The following EYS variants were observed in gnomAD, a reference collection of about 807,000 sequenced individuals.
EYS encodes the protein protein eyes shut homolog.
In EYS, 250 loss-of-function variants were observed where a neutral mutation model predicts 282.1. That is an observed-to-expected ratio of 0.89 (90% confidence interval 0.80 to 0.98). The LOEUF is 0.98. Ranked by LOEUF, EYS falls within the 50% of genes least tolerant of loss-of-function variation. The pLI, the probability that EYS is intolerant of heterozygous loss-of-function variation, is 0.00. For synonymous variants in EYS, 1,355 were observed against 1,282.9 expected (o/e 1.06, Z -1.20); for missense variants, 4,016 against 3,709.0 (o/e 1.08, Z -2.15).
chr6:63,941,435 T>G (rs1244532473), intron 35 of EYS, among the ~76,000 whole-genome samples: 1 of 152,234 alleles, frequency 6.6e-6, no homozygotes, highest in Non-Finnish European at 1.5e-5. Flanking sequence ...TGATGGCCAG[T>G]GATGATGAGC....
At chr6:64,517,948 G>A (rs373561065) in intron 26 of EYS, among the ~76,000 whole-genome samples, 3 of 151,740 alleles carry the variant, frequency 2.0e-5, no homozygotes, top group East Asian at 3.9e-4. Flanking sequence ...AGCTGATGTT[G>A]CCTATGTTTC....
intron 35 of EYS, among the ~76,000 whole-genome samples, chr6:63,865,562 T>G (rs1772652338): frequency 6.6e-6 from 1 of 152,190 alleles, no homozygotes; most frequent in Non-Finnish European, 1.5e-5. Context: ...TGTTAGCTCT[T>G]AAGCATAGGT....
intron 2 of EYS, among the ~76,000 whole-genome samples, chr6:65,534,121 C>G (rs1046544168): frequency 6.6e-6 from 1 of 152,152 alleles, no homozygotes; most frequent in Non-Finnish European, 1.5e-5. Flanking sequence ...TCTTCATGGT[C>G]TATCAAATTT....
At chr6:64,521,752 A>T (rs888636531) in intron 26 of EYS, among the ~76,000 whole-genome samples, 1 of 151,766 alleles carries the variant, frequency 6.6e-6, no homozygotes, top group African/African-American at 2.4e-5. Context: ...CTTTTTTTGT[A>T]GTAACATATT....
intron 41 of EYS, among the ~76,000 whole-genome samples, chr6:63,748,677 C>A (rs1473398827): frequency 6.6e-6 from 1 of 151,928 alleles, no homozygotes; most frequent in African/African-American, 2.4e-5. Context: ...CATTATTGGT[C>A]TTTTCAGGGA....
rs956121311 is a variant in EYS, at chr6:64,973,538, G to A, written c.2259+24044C>T. ...TCTCTCTCTAAGAGTCCCAAAGGAA[G>A]AGATTGTGTATTGTTTACCATTCTA... On this transcript the variant is annotated intron_variant, in intron 14 of 42. Transcript: ENST00000503581. 3.9e-5 allele frequency among the ~76,000 whole-genome samples: 6 copies of A among 152,020 alleles called. No individual in the cohort carries two copies. In the East Asian group the frequency reaches 9.7e-4, roughly 25 times the overall value.
intron 28 of EYS, among the ~76,000 whole-genome samples, chr6:64,406,476 C>T (rs1273599790): frequency 6.6e-6 from 1 of 152,100 alleles, no homozygotes; most frequent in African/African-American, 2.4e-5. Flanking sequence ...TCTAATTAAA[C>T]TAAAGAGCTT....
chr6:65,141,632 T>A (rs9453203), intron 12 of EYS, among the ~76,000 whole-genome samples: 1,532 of 66,888 alleles, frequency 0.023, 18 homozygotes, highest in African/African-American at 0.071. Context: ...TGAGTCAGTC[T>A]GTCTGTCTGT....
At chr6:64,792,443 A>G (rs1256082978) in intron 22 of EYS, among the ~76,000 whole-genome samples, 2 of 151,968 alleles carry the variant, frequency 1.3e-5, no homozygotes, top group South Asian at 2.1e-4. Context: ...ATAGGCTTGC[A>G]TTTAAAAAAT....
intron 15 of EYS, among the ~76,000 whole-genome samples, chr6:64,925,161 C>T (rs1768475568): frequency 6.6e-6 from 1 of 152,176 alleles, no homozygotes; most frequent in African/African-American, 2.4e-5. Flanking sequence ...CCACTTCTTA[C>T]ATGGTAGTGG....
intron 18 of EYS, among the ~76,000 whole-genome samples, chr6:64,889,176 C>T (rs1158461117): frequency 6.6e-6 from 1 of 151,884 alleles, no homozygotes; most frequent in Admixed American, 6.6e-5. Flanking sequence ...AATTTTCTCT[C>T]TCTCTCATTT....
At chr6:64,034,901 C>T (rs1399146901) in intron 33 of EYS, among the ~76,000 whole-genome samples, 2 of 152,128 alleles carry the variant, frequency 1.3e-5, no homozygotes, top group African/African-American at 4.8e-5. Context: ...TTTTTAATAT[C>T]TTACCAAAGC....
intron 35 of EYS, among the ~76,000 whole-genome samples, chr6:63,895,773 T>C (rs1418240575): frequency 6.6e-6 from 1 of 152,198 alleles, no homozygotes; most frequent in Non-Finnish European, 1.5e-5. Context: ...CTAAGCCATG[T>C]GTGTAGTCCT....
intron 26 of EYS, among the ~76,000 whole-genome samples, chr6:64,500,013 T>G (rs1040572828): frequency 1.3e-5 from 2 of 152,046 alleles, no homozygotes; most frequent in African/African-American, 4.8e-5. Context: ...AAAGAGGGCT[T>G]AAAAATCAAG....
At chr6:65,476,116 A>G (rs16896701) in intron 5 of EYS, among the ~76,000 whole-genome samples, 3,698 of 152,274 alleles carry the variant, frequency 0.024, 160 homozygotes, top group African/African-American at 0.082. Flanking sequence ...TGATTGAATT[A>G]GAGAAGCTCC....
At position 64,958,173 on chromosome 6, in the gene EYS, T is replaced by C. The variant is rs577481810; in HGVS notation, c.2260-12259A>G. Among the ~76,000 whole-genome samples the C allele has an allele frequency of 1.6e-4, 25 of 152,146 alleles. 1 individual carries two copies. The South Asian group carries it at 4.6e-3, about 28-fold the overall frequency. On this transcript the variant is annotated intron_variant, in intron 14 of 42. Coordinates refer to ENST00000503581, the MANE Select transcript of EYS (RefSeq NM_001142800.2). ...TACATATAATTATAAATATACCTAGTATATATAATAACATACGTATATACC... is the reference window on the plus strand; with the variant it reads ...TACATATAATTATAAATATACCTAGCATATATAATAACATACGTATATACC...
intron 11 of EYS, among the ~76,000 whole-genome samples, chr6:65,319,379 CA>C (rs1465140030): frequency 1.3e-5 from 2 of 149,284 alleles, no homozygotes; most frequent in Non-Finnish European, 1.5e-5. Context: ...GTCTCCATCT[CA>C]AAAAAAATAA....
intron 24 of EYS, among the ~76,000 whole-genome samples, chr6:64,597,767 T>C (rs929124012): frequency 2.0e-5 from 3 of 152,098 alleles, no homozygotes; most frequent in Admixed American, 6.5e-5. Context: ...ACAATGTCTG[T>C]TATTGGAGTG....
intron 2 of EYS, among the ~76,000 whole-genome samples, chr6:65,512,368 A>G (rs1283761297): frequency 6.6e-6 from 1 of 151,748 alleles, no homozygotes; most frequent in Non-Finnish European, 1.5e-5. Context: ...GAGCACCTGT[A>G]GTCCCAGCTA....
Sources: gnomAD v4.1 joint callset for allele counts (sites outside exome capture counted in the v4.1 genomes callset) on GRCh38, gnomAD v4.1.1 for gene constraint, MANE v1.5 for transcripts, NCBI Gene and HGNC (gene_info 2026-07-23, HGNC 2026-07-21) for gene names.